FRAS1: variants seen among roughly 807,000 people sequenced by gnomAD.
FRAS1 encodes extracellular matrix organizing protein FRAS1.
FRAS1 carries 290 observed loss-of-function variants against 435.2 expected under a neutral mutation model. The observed-to-expected ratio is 0.67, with a 90% CI of 0.61 to 0.73. The LOEUF (loss-of-function observed/expected upper bound fraction) is 0.73. FRAS1 is among the 30% of genes least tolerant of loss of function. The pLI, the probability that FRAS1 is intolerant of heterozygous loss-of-function variation, is 0.00. For synonymous variants in FRAS1, 1,800 were observed against 1,851.0 expected, an observed-to-expected ratio of 0.97 and a Z score of 0.71; for missense variants, 4,860 against 5,001.5, an observed-to-expected ratio of 0.97 and a Z score of 0.85.
At position 78,419,649 on chromosome 4, in the gene FRAS1, G is replaced by A. The variant is rs189183709; in HGVS notation, c.4540+586G>A. On this transcript the variant is annotated intron_variant, in intron 33 of 73. Transcript: ENST00000512123. The stretch of plus-strand genomic sequence containing the variant: ...GGACTTAACTAATAAGCCTATGCCT[G>A]TGTTAGTCCATTTTCATATTGGTAT... Among the ~76,000 whole-genome samples, 30 of 152,284 alleles carry A rather than the reference G, an allele frequency of 2.0e-4. 1 individual carries two copies. Among genetic ancestry groups the A allele is most frequent in the African/African-American group, 6.7e-4 (28 of 41,544 alleles).
chr4:78,286,986 C>G (rs1365702428), intron 14 of FRAS1, among the ~76,000 whole-genome samples: 2 of 151,326 alleles, frequency 1.3e-5, no homozygotes, highest in Admixed American at 6.6e-5. Flanking sequence ...TTGTATTAGT[C>G]TGTTTTCACA....
At chr4:78,532,437 C>A (rs1465069144) in intron 70 of FRAS1, among the ~76,000 whole-genome samples, 1 of 152,160 alleles carries the variant, frequency 6.6e-6, no homozygotes, top group Admixed American at 6.6e-5. Flanking sequence ...TGGTTTGATA[C>A]ACATAGTGAA....
chr4:78,483,997 A>T (rs1432134649), intron 58 of FRAS1, among the ~76,000 whole-genome samples: 4 of 151,852 alleles, frequency 2.6e-5, no homozygotes, highest in Non-Finnish European at 5.9e-5. Flanking sequence ...ACCACAATCA[A>T]GATGTTGAAC....
At chr4:78,274,912 G>A (rs543129854) in intron 9 of FRAS1, among the ~76,000 whole-genome samples, 233 of 152,136 alleles carry the variant, frequency 1.5e-3, no homozygotes, top group African/African-American at 5.4e-3. Context: ...TTGACAGTGG[G>A]GTGTTAAAGT....
At chr4:78,317,725 T>C (rs1395431429) in intron 17 of FRAS1, among the ~76,000 whole-genome samples, 7 of 151,838 alleles carry the variant, frequency 4.6e-5, no homozygotes. Context: ...AGTGTTATGA[T>C]TTTTTTTTCT....
intron 2 of FRAS1, among the ~76,000 whole-genome samples, chr4:78,094,030 C>A (rs1311732241): frequency 6.6e-6 from 1 of 151,536 alleles, no homozygotes; most frequent in African/African-American, 2.4e-5. Context: ...AACAGACTAC[C>A]TGGAAATCAC....
intron 2 of FRAS1, among the ~76,000 whole-genome samples, chr4:78,167,507 G>A (rs1197874177): frequency 2.6e-5 from 4 of 151,982 alleles, no homozygotes; most frequent in Non-Finnish European, 4.4e-5. Flanking sequence ...AGCTACTAAT[G>A]AGAGTGATTA....
At chr4:78,300,946 A>G (rs1728363756) in intron 14 of FRAS1, among the ~76,000 whole-genome samples, 1 of 152,022 alleles carries the variant, frequency 6.6e-6, no homozygotes, top group Admixed American at 6.5e-5. Flanking sequence ...GTTACTCTTT[A>G]TTGCAGAGCC....
intron 47 of FRAS1, among the ~76,000 whole-genome samples, chr4:78,453,591 A>G (rs1719091356): frequency 6.6e-6 from 1 of 152,130 alleles, no homozygotes; most frequent in Non-Finnish European, 1.5e-5. Context: ...CCTTGAGTCC[A>G]GGAGTTTGAG....
intron 18 of FRAS1, among the ~76,000 whole-genome samples, chr4:78,324,020 C>G (rs1227699076): frequency 6.6e-6 from 1 of 152,008 alleles, no homozygotes. Context: ...GCTGCTGATC[C>G]CTGGACCACA....
Position 78,060,879 on chromosome 4 carries a change from C to T in FRAS1, c.76+2794C>T, listed in dbSNP as rs924049922. ...ATTTTTTTTTTGAGGCACAGTCTTG[C>T]TCTATCACCCAGGCTAGAGTGCAGT... is the stretch of plus-strand genomic sequence containing the variant. On this transcript the variant is annotated intron_variant, in intron 1 of 73. Transcript: ENST00000512123. Among the ~76,000 whole-genome samples, 4 of 152,122 alleles carry T rather than the reference C, an allele frequency of 2.6e-5. 1 individual carries two copies. The highest frequency in any genetic ancestry group is 9.6e-5 in the African/African-American group (4 of 41,498).
chr4:78,436,631 A>G (rs757832017), intron 38 of FRAS1, among the ~76,000 whole-genome samples: 1 of 152,210 alleles, frequency 6.6e-6, no homozygotes, highest in Non-Finnish European at 1.5e-5. Flanking sequence ...ACCTAAAGAC[A>G]GATGAATTAT....
At chr4:78,417,120 A>G (rs1733582921) in intron 32 of FRAS1, among the ~76,000 whole-genome samples, 1 of 152,214 alleles carries the variant, frequency 6.6e-6, no homozygotes, top group South Asian at 2.1e-4. Context: ...ACTTTGATAT[A>G]TCTCAAACTC....
intron 5 of FRAS1, 147 bp downstream of exon 5, chr4:78,252,698 A>G (rs908886415): frequency 9.7e-6 from 8 of 822,238 alleles, no homozygotes; most frequent in Non-Finnish European, 1.5e-5. Context: ...GTACAAAGAG[A>G]GGAATTTTAC....
At chr4:78,377,201 TGAG>T (rs1229336244) in intron 26 of FRAS1, among the ~76,000 whole-genome samples, 6 of 152,182 alleles carry the variant, frequency 3.9e-5, no homozygotes, top group Non-Finnish European at 8.8e-5. Context: ...GTCAAAAACA[TGAG>T]GCATTTTTTA....
chr4:78,418,284 A>G lies in FRAS1; in HGVS notation c.4426-665A>G, dbSNP rs548184192. On this transcript the variant is annotated intron_variant, in intron 32 of 73. Transcript: ENST00000512123. ...AAACAAATACCTCTTAAACCTCTGA[A>G]TGCAAATGGTGAGCCTTTTTTGGTG... 4.1e-4 allele frequency among the ~76,000 whole-genome samples: 63 copies of G among 152,298 alleles called. No homozygotes were observed. In the South Asian group the frequency reaches 0.013, roughly 31 times the overall value.
rs1431131120 is a variant in FRAS1 at position 78,470,035 on chromosome 4, A to G, written c.7315A>G (p.Thr2439Ala). 2 of 1,613,642 alleles carry G rather than the reference A, an allele frequency of 1.2e-6. No individual in the cohort carries two copies. Among genetic ancestry groups the G allele is most frequent in the East Asian group, 2.2e-5 (1 of 44,862 alleles). The change falls in exon 51 of 74, where the codon ACG becomes GCG. Residue 2439 changes from threonine to alanine, a missense_variant. By Grantham distance (58) the Thr-to-Ala change is moderately conservative. Coordinates refer to ENST00000512123, the MANE Select transcript of FRAS1 (RefSeq NM_025074.7). ...AGACATCCTCCCGGTAGATGATGGC[A>G]CGCCTAGAATTGTCACCAACCTGGG... is the stretch of plus-strand genomic sequence containing the variant. ...RVDILPVDDG[T>A]PRIVTNLGLQ...
intron 2 of FRAS1, among the ~76,000 whole-genome samples, chr4:78,184,423 T>C (rs945346842): frequency 3.3e-5 from 5 of 152,244 alleles, no homozygotes; most frequent in Admixed American, 2.6e-4. Flanking sequence ...TATTTTTTTT[T>C]CCCCTAACTA....
chr4:78,450,337 A>G lies in FRAS1; in HGVS notation c.6461A>G (p.Gln2154Arg). 10 of 1,613,796 alleles carry G rather than the reference A, an allele frequency of 6.2e-6. No individual in the cohort carries two copies. Among genetic ancestry groups the G allele is most frequent in the Non-Finnish European group, 8.5e-6 (10 of 1,179,742 alleles). The change falls in exon 45 of 74, where the codon CAA (glutamine) becomes CGA (arginine). Residue 2154 changes from glutamine to arginine, a missense_variant and splice_region_variant. Transcript: ENST00000512123. The part of the protein sequence containing the change: ...IRSFTQADIS[Q>R]GHVEYSHGTG... ...AGTTTCACCCAGGCAGACATTAGCCAAGGTCAGCCAGTTCTCTTCTGCCTA... is the reference window on the plus strand; with the variant it reads ...AGTTTCACCCAGGCAGACATTAGCCGAGGTCAGCCAGTTCTCTTCTGCCTA...
Sources: allele counts gnomAD v4.1 joint callset (sites outside exome capture counted in the v4.1 genomes callset), GRCh38; gene constraint gnomAD v4.1.1; transcripts MANE v1.5; gene names NCBI Gene and HGNC (gene_info 2026-07-23, HGNC 2026-07-21).